The following PAG1 variants were observed in gnomAD, a reference collection of about 807,000 sequenced individuals.
The protein encoded by PAG1 is phosphoprotein associated with glycosphingolipid-enriched microdomains 1.
PAG1 carries 23 observed loss-of-function variants against 31.7 expected under a neutral mutation model. That is an observed-to-expected ratio of 0.73 (90% confidence interval 0.52 to 1.03). The LOEUF (loss-of-function observed/expected upper bound fraction) is 1.03. Ranked by LOEUF, PAG1 falls within the 50% of genes least tolerant of loss-of-function variation. The probability of loss-of-function intolerance (pLI) is 0.00; values close to 1 mark genes in which losing one functional copy is unlikely to be tolerated. For synonymous variants in PAG1, 214 were observed against 210.3 expected, an observed-to-expected ratio of 1.02 and a Z score of -0.15; for missense variants, 473 against 540.7, an observed-to-expected ratio of 0.87 and a Z score of 1.24.
At chr8:81,027,137 G>C (rs1411365936) in intron 3 of PAG1, among the ~76,000 whole-genome samples, 1 of 151,834 alleles carries the variant, frequency 6.6e-6, no homozygotes, top group Non-Finnish European at 1.5e-5. Flanking sequence ...CAGCCTCCCA[G>C]GTAGCTGGGA....
intron 5 of PAG1, 29 bp from the exon 6 acceptor site, chr8:80,987,495 A>C: frequency 5.5e-6 from 8 of 1,441,702 alleles, no homozygotes; most frequent in Non-Finnish European, 7.8e-6. Flanking sequence ...ACAAAAACAA[A>C]TGCATCACAT....
intron 2 of PAG1, among the ~76,000 whole-genome samples, chr8:81,055,440 T>C (rs549399869): frequency 2.7e-4 from 41 of 152,260 alleles, no homozygotes; most frequent in African/African-American, 9.1e-4. Flanking sequence ...TAATTCCATC[T>C]TAGCAATAAC....
At chr8:80,993,638 T>C (rs1297046585) in intron 3 of PAG1, among the ~76,000 whole-genome samples, 2 of 151,346 alleles carry the variant, frequency 1.3e-5, no homozygotes, top group East Asian at 3.9e-4. Context: ...GGTCTTGCTC[T>C]GTTGCCCAGA....
At chr8:81,047,208 C>A (rs1173398293) in intron 2 of PAG1, among the ~76,000 whole-genome samples, 1 of 152,048 alleles carries the variant, frequency 6.6e-6, no homozygotes, top group Non-Finnish European at 1.5e-5. Context: ...GGGTATATAC[C>A]CAGTAATGGG....
chr8:81,016,448 T>C (rs185856000), intron 3 of PAG1, among the ~76,000 whole-genome samples: 156 of 152,298 alleles, frequency 1.0e-3, no homozygotes, highest in African/African-American at 3.5e-3. Context: ...ACATGCTCAG[T>C]TGTCGGCTAG....
intron 2 of PAG1, among the ~76,000 whole-genome samples, chr8:81,033,350 A>C (rs1586177894): frequency 6.6e-6 from 1 of 152,202 alleles, no homozygotes; most frequent in East Asian, 1.9e-4. Flanking sequence ...GATAGACCAA[A>C]CACTTCTTCA....
rs1808128099 is a variant in PAG1, at chr8:81,019,613, T to TG, written c.-81+10382dup. ...CTATGGGTGTACAAAAGTCAAGAATTGAAGTTTGGGAATCTCCACCTAGAT... is the reference window on the plus strand; with the variant it reads ...CTATGGGTGTACAAAAGTCAAGAATTGGAAGTTTGGGAATCTCCACCTAGAT... On this transcript the variant is annotated intron_variant, in intron 3 of 8. Transcript: ENST00000220597. Among the ~76,000 whole-genome samples the TG allele has an allele frequency of 1.3e-5, 2 of 152,182 alleles. 1 individual carries two copies. Among genetic ancestry groups the TG allele is most frequent in the South Asian group, 4.1e-4 (2 of 4,822 alleles).
At chr8:81,018,986 G>A (rs562729693) in intron 3 of PAG1, among the ~76,000 whole-genome samples, 1 of 152,202 alleles carries the variant, frequency 6.6e-6, no homozygotes, top group Non-Finnish European at 1.5e-5. Flanking sequence ...TGATAAAAAT[G>A]CTGATAGTGA....
intron 2 of PAG1, among the ~76,000 whole-genome samples, chr8:81,054,710 A>G (rs1808787003): frequency 6.6e-6 from 1 of 152,136 alleles, no homozygotes; most frequent in Non-Finnish European, 1.5e-5. Flanking sequence ...TAATATTCCT[A>G]TCAATCCTCA....
Position 80,993,240 on chromosome 8 carries a change from C to T in PAG1, c.-13G>A. The T allele has an allele frequency of 6.3e-7, 1 of 1,596,412 alleles. No individual in the cohort carries two copies. Among genetic ancestry groups the T allele is most frequent in the Non-Finnish European group, 8.5e-7 (1 of 1,172,362 alleles). ...CCGCGGGCCCCATGGCAGGAGCAGG[C>T]ACTGGCACCAGCCGAGGGAATCAGT... On this transcript the variant is annotated 5_prime_UTR_variant, in exon 4 of 9. Coordinates refer to ENST00000220597, the MANE Select transcript of PAG1 (RefSeq NM_018440.4).
Position 81,040,475 on chromosome 8 carries a change from AAAC to A in PAG1, c.-174-10389_-174-10387del, listed in dbSNP as rs551155604. Among the ~76,000 whole-genome samples the A allele has an allele frequency of 1.5e-3, 226 of 152,310 alleles. 1 individual carries two copies. The highest frequency in any genetic ancestry group is 5.1e-3 in the African/African-American group (212 of 41,572). On this transcript the variant is annotated intron_variant, in intron 2 of 8. Transcript: ENST00000220597. ...GTGTTAGAACTGGTGCCTTAAAAAA[AAAC>A]AACAAAAACCCTCATCCAAAGATTC...
Position 80,974,533 on chromosome 8 carries a change from T to C in PAG1, c.*2011A>G, listed in dbSNP as rs567076027. ...ATCTTCATGGGAGAGACCAGGCTGA[T>C]TGCAAAATAATGACAACCAACCAGT... On this transcript the variant is annotated 3_prime_UTR_variant, in exon 9 of 9. Transcript: ENST00000220597. 2 of 152,322 alleles carry C rather than the reference T, an allele frequency of 1.3e-5. No individual in the cohort carries two copies. Among genetic ancestry groups the C allele is most frequent in the South Asian group, 2.1e-4 (1 of 4,824 alleles). The allele number at this position is 152,322 out of a possible 1,614,324, so 9.4% of individuals were successfully genotyped here. A position where few individuals can be genotyped will look rare whatever the true frequency, so the allele number is the denominator to read the frequency against.
chr8:81,067,115 C>T (rs1809021273), intron 2 of PAG1, among the ~76,000 whole-genome samples: 1 of 152,072 alleles, frequency 6.6e-6, no homozygotes. Context: ...TGAGCTATGT[C>T]CAGCCTGGGC....
intron 1 of PAG1, among the ~76,000 whole-genome samples, chr8:81,106,107 A>C (rs1402094308): frequency 6.6e-6 from 1 of 152,080 alleles, no homozygotes; most frequent in East Asian, 1.9e-4. Context: ...CAGTGGTGTG[A>C]TCTTCCTGGC....
At chr8:81,079,215 T>C (rs1286733994) in intron 1 of PAG1, among the ~76,000 whole-genome samples, 1 of 152,002 alleles carries the variant, frequency 6.6e-6, no homozygotes, top group Non-Finnish European at 1.5e-5. Flanking sequence ...TCTGCATTGA[T>C]ATAGGAGCCA....
At chr8:81,069,286 C>G (rs1012221387) in intron 2 of PAG1, among the ~76,000 whole-genome samples, 1 of 152,162 alleles carries the variant, frequency 6.6e-6, no homozygotes, top group African/African-American at 2.4e-5. Context: ...TACAAGATTC[C>G]TTTGGTGAAG....
intron 1 of PAG1, among the ~76,000 whole-genome samples, chr8:81,093,625 A>G (rs1352526525): frequency 6.6e-6 from 1 of 151,902 alleles, no homozygotes; most frequent in South Asian, 2.1e-4. Context: ...CCATACCCCC[A>G]GATGTGGCCC....
intron 2 of PAG1, among the ~76,000 whole-genome samples, chr8:81,061,738 A>T (rs762442113): frequency 2.6e-5 from 4 of 152,216 alleles, no homozygotes; most frequent in Non-Finnish European, 4.4e-5. Flanking sequence ...CCAAAGTACC[A>T]GATAGGGAAC....
At chr8:81,094,364 A>G (rs975664442) in intron 1 of PAG1, among the ~76,000 whole-genome samples, 9 of 152,148 alleles carry the variant, frequency 5.9e-5, no homozygotes, top group African/African-American at 1.9e-4. Flanking sequence ...AAGATTTCTA[A>G]TTATCAGTGT....
Sources: gnomAD v4.1 joint callset for allele counts (sites outside exome capture counted in the v4.1 genomes callset) on GRCh38, gnomAD v4.1.1 for gene constraint, MANE v1.5 for transcripts, NCBI Gene and HGNC (gene_info 2026-07-23, HGNC 2026-07-21) for gene names.